The following CFAP91 variants were observed in gnomAD, a reference collection of about 807,000 sequenced individuals.
CFAP91 encodes the protein cilia- and flagella-associated protein 91.
Under a neutral mutation model 95.9 loss-of-function variants are expected in CFAP91, and 85 were observed. That is an observed-to-expected ratio of 0.89 (90% confidence interval 0.74 to 1.06). The LOEUF (loss-of-function observed/expected upper bound fraction) is 1.06. Among genes scored for constraint, CFAP91 ranks in the 50% least tolerant of loss-of-function variants. The pLI is 0.00. For missense variants in CFAP91, 962 were observed against 943.4 expected (o/e 1.02, Z -0.26); for synonymous variants, 335 against 327.5 (o/e 1.02, Z -0.25).
chr3:119,747,059 TTG>T, intron 14 of CFAP91, 54 bp from the exon 15 acceptor site: 1 of 1,351,988 alleles, frequency 7.4e-7, no homozygotes, highest in East Asian at 2.5e-5. Context: ...TGTATTTTTC[TTG>T]TGTTGTTTAC....
intron 6 of CFAP91, among the ~76,000 whole-genome samples, chr3:119,719,031 C>G (rs771121454): frequency 6.6e-6 from 1 of 151,978 alleles, no homozygotes; most frequent in Non-Finnish European, 1.5e-5. Flanking sequence ...TGAAAACAAC[C>G]CAAATGTCCA....
At chr3:119,720,986 C>T (rs2053673165) in intron 6 of CFAP91, among the ~76,000 whole-genome samples, 1 of 152,110 alleles carries the variant, frequency 6.6e-6, no homozygotes, top group Admixed American at 6.5e-5. Context: ...TAATTTCAAC[C>T]TGCAGTTGGT....
chr3:119,742,017 AGAATGCCCTG>A, intron 13 of CFAP91, among the ~76,000 whole-genome samples: 1 of 152,220 alleles, frequency 6.6e-6, no homozygotes, highest in Non-Finnish European at 1.5e-5. Flanking sequence ...GATAAGGAGC[AGAATGCCCTG>A]GAAGCGCTAG....
intron 5 of CFAP91, among the ~76,000 whole-genome samples, chr3:119,711,315 C>T (rs1362182779): frequency 6.6e-6 from 1 of 152,132 alleles, no homozygotes; most frequent in African/African-American, 2.4e-5. Flanking sequence ...TAGCTGTAGA[C>T]TTATATTCTA....
intron 16 of CFAP91, chr3:119,749,025 A>C (rs1037289581): frequency 1.3e-5 from 2 of 152,212 alleles, no homozygotes; most frequent in African/African-American, 4.8e-5. Flanking sequence ...TTATACAAAA[A>C]ATTAATTTTC....
intron 17 of CFAP91, among the ~76,000 whole-genome samples, chr3:119,764,804 T>A (rs2107929525): frequency 6.6e-6 from 1 of 152,214 alleles, no homozygotes; most frequent in East Asian, 1.9e-4. Context: ...TTATGATGTA[T>A]GTATACAACC....
chr3:119,738,591 C>T (rs1413974100), intron 11 of CFAP91, among the ~76,000 whole-genome samples: 1 of 151,862 alleles, frequency 6.6e-6, no homozygotes, highest in Non-Finnish European at 1.5e-5. Flanking sequence ...TCAGGTGATC[C>T]ACCTGCCCTG....
chr3:119,754,987 C>T (rs1183353030), intron 17 of CFAP91, among the ~76,000 whole-genome samples: 1 of 152,194 alleles, frequency 6.6e-6, no homozygotes, highest in Non-Finnish European at 1.5e-5. Context: ...GGATCCATCA[C>T]CCATTTTTTT....
intron 3 of CFAP91, among the ~76,000 whole-genome samples, 165 bp from the exon 4 acceptor site, chr3:119,708,426 A>C (rs2053414365): frequency 6.6e-6 from 1 of 152,158 alleles, no homozygotes. Context: ...GGGAAGAATC[A>C]TATATACTCT....
At chr3:119,747,371 A>G in intron 15 of CFAP91, 108 bp downstream of exon 15, 2 of 1,259,824 alleles carry the variant, frequency 1.6e-6, no homozygotes, top group South Asian at 1.5e-5. Flanking sequence ...CAAATAACTC[A>G]TACTTCAGCG....
chr3:119,764,730 G>T (rs1443223957), intron 17 of CFAP91, among the ~76,000 whole-genome samples: 1 of 152,122 alleles, frequency 6.6e-6, no homozygotes, highest in Non-Finnish European at 1.5e-5. Flanking sequence ...GGGGACTGGA[G>T]TTCACACCAG....
chr3:119,712,459 CTT>C (rs1178845464), intron 5 of CFAP91, among the ~76,000 whole-genome samples: 1 of 152,128 alleles, frequency 6.6e-6, no homozygotes, highest in East Asian at 1.9e-4. Context: ...AATTTATTCT[CTT>C]GATTCAAGAT....
At chr3:119,716,964 C>T (rs2053587809) in intron 6 of CFAP91, among the ~76,000 whole-genome samples, 3 of 152,192 alleles carry the variant, frequency 2.0e-5, no homozygotes, top group Admixed American at 6.5e-5. Context: ...GAAACCTTCC[C>T]TTTCTGCTCT....
At chr3:119,706,611 T>C in intron 1 of CFAP91, 198 bp from the exon 2 acceptor site, 1 of 527,434 alleles carries the variant, frequency 1.9e-6, no homozygotes, top group South Asian at 2.8e-5. Context: ...AAGAAAAACA[T>C]CTTGACAACT....
At chr3:119,756,990 A>G (rs1349120008) in intron 17 of CFAP91, among the ~76,000 whole-genome samples, 2 of 152,196 alleles carry the variant, frequency 1.3e-5, no homozygotes, top group African/African-American at 2.4e-5. Context: ...ACTAAATTAT[A>G]TGCTGCTTGC....
At chr3:119,732,508 TAAG>T (rs747549243) in intron 9 of CFAP91, 32 bp downstream of exon 9, 2 of 1,376,348 alleles carry the variant, frequency 1.5e-6, no homozygotes, top group Non-Finnish European at 2.0e-6. Flanking sequence ...AAATCCAGTA[TAAG>T]AAGGTTGTCT....
chr3:119,755,783 A>T (rs780551281), intron 17 of CFAP91, among the ~76,000 whole-genome samples: 2 of 152,262 alleles, frequency 1.3e-5, no homozygotes, highest in African/African-American at 4.8e-5. Flanking sequence ...TAAAAATGAT[A>T]TAGCAGATTT....
At chr3:119,705,834 C>A (rs896860525) in intron 1 of CFAP91, 1 of 152,120 alleles carries the variant, frequency 6.6e-6, no homozygotes, top group Non-Finnish European at 1.5e-5. Flanking sequence ...AATGAAGGAG[C>A]AAAAAGAGCC....
chr3:119,718,643 A>G (rs1231424780), intron 6 of CFAP91, among the ~76,000 whole-genome samples: 1 of 152,140 alleles, frequency 6.6e-6, no homozygotes, highest in African/African-American at 2.4e-5. Context: ...TATTAGAAAA[A>G]CTATTAGAAA....
Sources: gnomAD v4.1 joint callset for allele counts (sites outside exome capture counted in the v4.1 genomes callset) on GRCh38, gnomAD v4.1.1 for gene constraint, MANE v1.5 for transcripts, NCBI Gene and HGNC (gene_info 2026-07-23, HGNC 2026-07-21) for gene names.